The following RASAL2 variants were observed in gnomAD, a reference collection of about 807,000 sequenced individuals.
RASAL2 encodes ras GTPase-activating protein nGAP.
RASAL2 carries 58 observed loss-of-function variants against 128.9 expected under a neutral mutation model. That is an observed-to-expected ratio of 0.45 (90% confidence interval 0.36 to 0.56). The LOEUF is 0.56. RASAL2 is among the 20% of genes least tolerant of loss of function. RASAL2 has a pLI of 0.00. For synonymous variants in RASAL2, 561 were observed against 580.8 expected (o/e 0.97, Z 0.49); for missense variants, 1,360 against 1,601.6 (o/e 0.85, Z 2.57).
chr1:178,149,776 T>C (rs940457606), intron 1 of RASAL2, among the ~76,000 whole-genome samples: 1 of 152,176 alleles, frequency 6.6e-6, no homozygotes, highest in Non-Finnish European at 1.5e-5. Context: ...TGAATGATTC[T>C]TTGTTGTACT....
At chr1:178,156,446 A>C (rs1163282401) in intron 1 of RASAL2, among the ~76,000 whole-genome samples, 1 of 152,196 alleles carries the variant, frequency 6.6e-6, no homozygotes, top group Admixed American at 6.5e-5. Flanking sequence ...GTAAACTTTG[A>C]ATATATGAGT....
chr1:178,422,335 A>T (rs1675207285), intron 5 of RASAL2, among the ~76,000 whole-genome samples: 1 of 152,002 alleles, frequency 6.6e-6, no homozygotes, highest in Non-Finnish European at 1.5e-5. Flanking sequence ...ATTGAAATGT[A>T]TTATTTGTGA....
At chr1:178,119,126 C>G (rs1330485049) in intron 1 of RASAL2, among the ~76,000 whole-genome samples, 1 of 152,180 alleles carries the variant, frequency 6.6e-6, no homozygotes, top group Admixed American at 6.5e-5. Flanking sequence ...CCTTGGCCTC[C>G]CAAAGTGCTG....
chr1:178,439,364 A>T, intron 5 of RASAL2, 58 bp from the exon 6 acceptor site: 1 of 1,447,266 alleles, frequency 6.9e-7, no homozygotes, highest in Non-Finnish European at 9.5e-7. Context: ...ATTGCATTAG[A>T]CCTTCATTTC....
At chr1:178,183,659 G>A (rs1375342523) in intron 1 of RASAL2, among the ~76,000 whole-genome samples, 1 of 152,112 alleles carries the variant, frequency 6.6e-6, no homozygotes, top group African/African-American at 2.4e-5. Flanking sequence ...TCTTTGTGTG[G>A]CTTAATATCT....
intron 1 of RASAL2, among the ~76,000 whole-genome samples, chr1:178,178,824 T>G (rs1661979992): frequency 6.6e-6 from 1 of 152,190 alleles, no homozygotes; most frequent in South Asian, 2.1e-4. Context: ...TCTGTATTAA[T>G]TCTTTTCATT....
chr1:178,289,174 A>G (rs1000580660), intron 2 of RASAL2, among the ~76,000 whole-genome samples: 2 of 152,138 alleles, frequency 1.3e-5, no homozygotes, highest in African/African-American at 4.8e-5. Context: ...TGTTAAATTC[A>G]GTGGTCAGTT....
chr1:178,293,003 T>C (rs1425326519), intron 2 of RASAL2, among the ~76,000 whole-genome samples: 1 of 152,214 alleles, frequency 6.6e-6, no homozygotes, highest in Admixed American at 6.5e-5. Context: ...AAAATATCAG[T>C]CTTTGTGCAA....
Position 178,112,348 on chromosome 1 carries a change from G to A in RASAL2, c.202+17654G>A, listed in dbSNP as rs977376790. ...GGGTGGATCACGAGGTCAGGAGTTC[G>A]AGACCAGCCTGACTAATATGGTGAA... On this transcript the variant is annotated intron_variant, in intron 1 of 17. Transcript: ENST00000367649. 5.9e-5 allele frequency among the ~76,000 whole-genome samples: 9 copies of A among 151,904 alleles called. No homozygotes were observed. The East Asian group carries it at 1.2e-3, about 20-fold the overall frequency.
intron 3 of RASAL2, among the ~76,000 whole-genome samples, chr1:178,357,491 T>G (rs1220083767): frequency 6.6e-6 from 1 of 152,146 alleles, no homozygotes; most frequent in African/African-American, 2.4e-5. Context: ...GATTATAGAT[T>G]TTAATGTTTT....
intron 4 of RASAL2, among the ~76,000 whole-genome samples, chr1:178,419,524 G>A (rs996005951): frequency 3.3e-5 from 5 of 151,950 alleles, no homozygotes; most frequent in Non-Finnish European, 7.4e-5. Context: ...CTGGCCTCAA[G>A]CTATCCTGTC....
chr1:178,434,092 C>T (rs534300864), intron 5 of RASAL2, among the ~76,000 whole-genome samples: 13 of 152,102 alleles, frequency 8.5e-5, no homozygotes, highest in East Asian at 5.8e-4. Flanking sequence ...AGTTGGATTA[C>T]GAGTTTGGTT....
chr1:178,197,355 T>C (rs901982022), intron 1 of RASAL2, among the ~76,000 whole-genome samples: 4 of 151,932 alleles, frequency 2.6e-5, no homozygotes, highest in Non-Finnish European at 2.9e-5. Context: ...ACTCAGGAGA[T>C]GGGCAGGAGA....
At chr1:178,213,451 A>C (rs1339430781) in intron 1 of RASAL2, among the ~76,000 whole-genome samples, 2 of 152,204 alleles carry the variant, frequency 1.3e-5, no homozygotes, top group Admixed American at 6.5e-5. Flanking sequence ...CTGTACAGGA[A>C]TATTAATGGC....
rs930443963 is a variant in RASAL2, at chr1:178,474,329, G to A, written c.*1090G>A. 6.6e-6 allele frequency: 1 copy of A among 152,528 alleles called. No homozygotes were observed. Among genetic ancestry groups the A allele is most frequent in the African/African-American group, 2.4e-5 (1 of 41,442 alleles). 9.4% of individuals were successfully genotyped at this position (152,528 alleles called of 1,614,324 possible). A position where few individuals can be genotyped will look rare whatever the true frequency, so the allele number is the denominator to read the frequency against. The stretch of plus-strand genomic sequence containing the variant: ...GTTTGGGATAAAGACTCTATCCATT[G>A]TACTAGCAAATCTATGGGGGGTAAT... On this transcript the variant is annotated 3_prime_UTR_variant, in exon 18 of 18. Transcript: ENST00000367649.
At chr1:178,342,382 A>G (rs1284798180) in intron 3 of RASAL2, among the ~76,000 whole-genome samples, 1 of 152,206 alleles carries the variant, frequency 6.6e-6, no homozygotes, top group African/African-American at 2.4e-5. Flanking sequence ...AATTATATAT[A>G]GGCTTATATT....
chr1:178,380,931 A>G (rs1672248749), intron 3 of RASAL2, among the ~76,000 whole-genome samples: 1 of 152,196 alleles, frequency 6.6e-6, no homozygotes, highest in Non-Finnish European at 1.5e-5. Context: ...ATATAAATGT[A>G]TTAATTGGAA....
chr1:178,174,569 A>C (rs995213351), intron 1 of RASAL2, among the ~76,000 whole-genome samples: 3 of 152,188 alleles, frequency 2.0e-5, no homozygotes, highest in African/African-American at 7.2e-5. Context: ...GGCACCTGAT[A>C]AAATGAGTTG....
chr1:178,408,814 T>G (rs1229099621), intron 4 of RASAL2, among the ~76,000 whole-genome samples: 4 of 152,096 alleles, frequency 2.6e-5, no homozygotes, highest in Non-Finnish European at 4.4e-5. Flanking sequence ...TATAGCACAG[T>G]GGTTAAAAAG....
Sources: gnomAD v4.1 joint callset for allele counts (sites outside exome capture counted in the v4.1 genomes callset) on GRCh38, gnomAD v4.1.1 for gene constraint, MANE v1.5 for transcripts, NCBI Gene and HGNC (gene_info 2026-07-23, HGNC 2026-07-21) for gene names.